Variants in SHQ1 observed in about 807,000 individuals in gnomAD.
SHQ1 encodes SHQ1, H/ACA ribonucleoprotein assembly factor.
Under a neutral mutation model 53.8 loss-of-function variants are expected in SHQ1, and 49 were observed. The observed-to-expected ratio is 0.91, with a 90% CI of 0.72 to 1.16. The LOEUF (loss-of-function observed/expected upper bound fraction) is 1.16, where lower values mean the gene tolerates loss of function less well. SHQ1 is among the 50% of genes most tolerant of loss of function. SHQ1 has a pLI of 0.00. For missense variants in SHQ1, 738 were observed against 683.1 expected, an observed-to-expected ratio of 1.08 and a Z score of -0.90; for synonymous variants, 243 against 251.0, an observed-to-expected ratio of 0.97 and a Z score of 0.30.
At chr3:72,827,327 T>C (rs1707691186) in intron 5 of SHQ1, among the ~76,000 whole-genome samples, 1 of 152,006 alleles carries the variant, frequency 6.6e-6, no homozygotes, top group Non-Finnish European at 1.5e-5. Context: ...ATGAGAGTCA[T>C]AAGCATTTAA....
chr3:72,840,751 A>C lies in SHQ1; in HGVS notation c.486+294T>G, dbSNP rs535802632. Among the ~76,000 whole-genome samples the C allele has an allele frequency of 2.0e-5, 3 of 152,226 alleles. No individual in the cohort carries two copies. The East Asian group carries it at 5.8e-4, about 29-fold the overall frequency. On this transcript the variant is annotated intron_variant, in intron 4 of 10. Coordinates refer to ENST00000325599, the MANE Select transcript of SHQ1 (RefSeq NM_018130.3). ...AGTATAAAACATAAAGCTTTGCAGG[A>C]AGTATGAGAGAGGAGTTCTGCTTTG...
the SHQ1 span, among the ~76,000 whole-genome samples, chr3:72,736,370 T>C: frequency 1.3e-5 from 2 of 150,850 alleles, no homozygotes; most frequent in Admixed American, 6.6e-5. Flanking sequence ...AAGGTCCAGA[T>C]GGTACAATAT....
At chr3:72,784,960 C>T (rs1437142978) in intron 10 of SHQ1, among the ~76,000 whole-genome samples, 1 of 152,204 alleles carries the variant, frequency 6.6e-6, no homozygotes, top group Non-Finnish European at 1.5e-5. Context: ...CTTAGAAATG[C>T]CACTCACTAC....
intron 1 of SHQ1, 157 bp from the exon 2 acceptor site, chr3:72,844,580 T>G (rs1267175750): frequency 1.4e-6 from 1 of 691,784 alleles, no homozygotes; most frequent in African/African-American, 1.8e-5. Context: ...AGTTAGATTC[T>G]TTCCCCAACC....
intron 9 of SHQ1, among the ~76,000 whole-genome samples, chr3:72,799,786 C>T (rs1706730902): frequency 6.6e-6 from 1 of 152,072 alleles, no homozygotes; most frequent in Non-Finnish European, 1.5e-5. Flanking sequence ...ATGAAGCAAA[C>T]ATGTACTTTT....
chr3:72,821,492 G>A (rs1707479075), intron 6 of SHQ1, among the ~76,000 whole-genome samples: 1 of 152,198 alleles, frequency 6.6e-6, no homozygotes, highest in African/African-American at 2.4e-5. Context: ...TCAGGGCTGT[G>A]ATGAAAACGA....
At position 72,824,608 on chromosome 3, in the gene SHQ1, TA is replaced by T; in HGVS notation, c.600-58del. ...CAGGATTTCACTGGCTTTTACTTTT[TA>T]ACATTTTATCTTAACTCATATTTGT... On this transcript the variant is annotated intron_variant, in intron 5 of 10. Transcript: ENST00000325599. 3 of 1,547,540 alleles carry T rather than the reference TA, an allele frequency of 1.9e-6. No homozygotes were observed. The East Asian group carries it at 6.9e-5, about 36-fold the overall frequency.
chr3:72,796,283 G>A (rs927588949), intron 9 of SHQ1, among the ~76,000 whole-genome samples: 5 of 151,982 alleles, frequency 3.3e-5, no homozygotes, highest in African/African-American at 4.8e-5. Context: ...GAGTGAGAAC[G>A]TCTCTAAACT....
chr3:72,822,087 G>A (rs868832737), intron 6 of SHQ1, among the ~76,000 whole-genome samples: 14 of 152,202 alleles, frequency 9.2e-5, no homozygotes, highest in African/African-American at 3.1e-4. Context: ...CAACTCTGAG[G>A]TAGGTACAGC....
chr3:72,812,930 T>C (rs1707172603), intron 8 of SHQ1, 136 bp from the exon 9 acceptor site: 2 of 884,908 alleles, frequency 2.3e-6, no homozygotes, highest in Non-Finnish European at 3.4e-6. Context: ...AAGAGAAACA[T>C]AAAACCATGA....
rs561957446 is a variant in SHQ1 at position 72,765,163 on chromosome 3, T to A, written c.1182-14327A>T. 5.6e-4 allele frequency among the ~76,000 whole-genome samples: 86 copies of A among 152,264 alleles called. 1 individual carries two copies. Among genetic ancestry groups the A allele is most frequent in the African/African-American group, 2.0e-3 (82 of 41,542 alleles). On this transcript the variant is annotated intron_variant, in intron 10 of 10. Coordinates refer to ENST00000325599, the MANE Select transcript of SHQ1 (RefSeq NM_018130.3). ...GGCCCAGACTCAGAAACATTTTATC[T>A]CAAAACCCTGACTCTGCAAAGCTGG...
Position 72,804,094 on chromosome 3 carries a change from AT to A in SHQ1, c.1060+8576del, listed in dbSNP as rs942426036. Among the ~76,000 whole-genome samples the A allele has an allele frequency of 5.6e-3, 838 of 149,248 alleles. 4 individuals are homozygous for A. Among genetic ancestry groups the A allele is most frequent in the African/African-American group, 0.019 (785 of 40,706 alleles). ...ACTACGCCCTGCTAATTTAAAAAACATTTTTTTTTTCTAGAAACAAGGTCTC... is the reference window on the plus strand; with the variant it reads ...ACTACGCCCTGCTAATTTAAAAAACATTTTTTTTTCTAGAAACAAGGTCTC... On this transcript the variant is annotated intron_variant, in intron 9 of 10. Transcript: ENST00000325599.
chr3:72,824,662 T>C (rs1390323478), intron 5 of SHQ1, 111 bp from the exon 6 acceptor site: 1 of 1,259,748 alleles, frequency 7.9e-7, no homozygotes, highest in Non-Finnish European at 1.1e-6. Context: ...TAATTCAAAG[T>C]ACATTTCAAG....
intron 10 of SHQ1, among the ~76,000 whole-genome samples, chr3:72,788,912 T>G (rs1271481291): frequency 6.6e-6 from 1 of 151,914 alleles, no homozygotes; most frequent in Non-Finnish European, 1.5e-5. Context: ...CACTCCCTAA[T>G]CTCAAGTACC....
At chr3:72,747,655 G>GGA (rs944776432), downstream of SHQ1, among the ~76,000 whole-genome samples, 1 of 152,110 alleles carries the variant, frequency 6.6e-6, no homozygotes, top group Non-Finnish European at 1.5e-5. Flanking sequence ...CTGGATATCT[G>GGA]GAGAGAGAGA....
intron 9 of SHQ1, chr3:72,795,699 G>C (rs1019944774): frequency 5.9e-5 from 9 of 152,148 alleles, no homozygotes; most frequent in African/African-American, 1.9e-4. Flanking sequence ...GTCTTTACTG[G>C]AAAAACGAAC....
At chr3:72,836,112 G>C (rs1707982935) in intron 4 of SHQ1, among the ~76,000 whole-genome samples, 1 of 152,106 alleles carries the variant, frequency 6.6e-6, no homozygotes, top group Non-Finnish European at 1.5e-5. Context: ...AACTGTTCTG[G>C]GTGCCAAAGT....
At chr3:72,804,082 A>G (rs868057857) in intron 9 of SHQ1, among the ~76,000 whole-genome samples, 1 of 152,056 alleles carries the variant, frequency 6.6e-6, no homozygotes. Flanking sequence ...ACGCCCTGCT[A>G]ATTTAAAAAA....
intron 6 of SHQ1, among the ~76,000 whole-genome samples, chr3:72,819,900 G>C (rs1707424875): frequency 6.6e-6 from 1 of 152,156 alleles, no homozygotes; most frequent in African/African-American, 2.4e-5. Context: ...CAGGAAGAAA[G>C]CATACCTGAC....
Sources: gnomAD v4.1 joint callset for allele counts (sites outside exome capture counted in the v4.1 genomes callset) on GRCh38, gnomAD v4.1.1 for gene constraint, MANE v1.5 for transcripts, NCBI Gene and HGNC (gene_info 2026-07-23, HGNC 2026-07-21) for gene names.